Variants in GRHL1 observed in about 807,000 individuals in gnomAD.
The protein encoded by GRHL1 is grainyhead like transcription factor 1, also known as grainyhead-like protein 1 homolog.
A neutral mutation model predicts 75.7 loss-of-function variants in GRHL1; 38 were observed. The ratio of observed to expected loss-of-function variants is 0.50; its 90% CI spans 0.39 to 0.66. The LOEUF (loss-of-function observed/expected upper bound fraction) is 0.66, where lower values mean the gene tolerates loss of function less well. Among genes scored for constraint, GRHL1 ranks in the 30% least tolerant of loss-of-function variants. The pLI is 0.00. For missense variants in GRHL1, 589 were observed against 767.5 expected (o/e 0.77, Z 2.75); for synonymous variants, 266 against 279.4 (o/e 0.95, Z 0.48).
chr2:9,953,315 A>G (rs550305877), intron 1 of GRHL1, among the ~76,000 whole-genome samples: 15 of 152,388 alleles, frequency 9.8e-5, no homozygotes, highest in Middle Eastern at 6.8e-3. Context: ...CTATTACGCT[A>G]TTAATTATAG....
chr2:9,974,046 A>C (rs1572357821), intron 8 of GRHL1, among the ~76,000 whole-genome samples: 1 of 152,214 alleles, frequency 6.6e-6, no homozygotes, highest in Non-Finnish European at 1.5e-5. Flanking sequence ...AAGTTCATCT[A>C]CTTCACCAAA....
At position 9,951,735 on chromosome 2, in the gene GRHL1, G is replaced by A. The variant is rs903204706; in HGVS notation, c.-99G>A. ...CCCAACCCGTCGGGGCCGCCGCTCC[G>A]GACCCGCAGCCGCCGCCGCCGCCTC... On this transcript the variant is annotated 5_prime_UTR_variant, in exon 1 of 16. Coordinates refer to ENST00000324907, the MANE Select transcript of GRHL1 (RefSeq NM_198182.3). The surrounding 1 kb of genome is among the most constrained non-coding windows in gnomAD (Gnocchi z 4.2). 1.3e-5 allele frequency: 15 copies of A among 1,178,646 alleles called. No individual in the cohort carries two copies. In the African/African-American group the frequency reaches 2.0e-4, roughly 15 times the overall value. 73.0% of individuals were successfully genotyped at this position (1,178,646 alleles called of 1,614,324 possible).
At chr2:9,952,739 G>A (rs1164498330) in intron 1 of GRHL1, among the ~76,000 whole-genome samples, 1 of 152,170 alleles carries the variant, frequency 6.6e-6, no homozygotes. Context: ...CAGGGAAATC[G>A]CACCAGGCCA....
At chr2:9,998,358 C>T (rs986253532) in intron 14 of GRHL1, among the ~76,000 whole-genome samples, 3 of 150,240 alleles carry the variant, frequency 2.0e-5, no homozygotes, top group Admixed American at 1.3e-4. Context: ...CCCCAGCACA[C>T]GAGCTGGGGC....
rs371441583 is a variant in GRHL1, at chr2:9,998,599, CATATAT to C, written c.1678-360_1678-355del. 9.2e-4 allele frequency among the ~76,000 whole-genome samples: 41 copies of C among 44,644 alleles called. 3 individuals carry two copies. In the South Asian group the frequency reaches 0.02, roughly 21 times the overall value. 29.3% of individuals were successfully genotyped at this position (44,644 alleles called of 152,430 possible). A position where few individuals can be genotyped will look rare whatever the true frequency, so the allele number is the denominator to read the frequency against. ...ATACATATGTACATATATATGTACA[CATATAT>C]ATATACATATATATGTACACATATA... On this transcript the variant is annotated intron_variant, in intron 14 of 15. Coordinates refer to ENST00000324907, the MANE Select transcript of GRHL1 (RefSeq NM_198182.3).
chr2:9,978,845 G>A (rs992259101), intron 8 of GRHL1, among the ~76,000 whole-genome samples: 2 of 152,158 alleles, frequency 1.3e-5, no homozygotes, highest in East Asian at 3.9e-4. Flanking sequence ...ACAAAGATTA[G>A]CCATGTGTGG....
chr2:9,993,286 A>G (rs1180347272), intron 12 of GRHL1, 42 bp downstream of exon 12: 1 of 1,507,248 alleles, frequency 6.6e-7, no homozygotes, highest in East Asian at 2.3e-5. Context: ...AATAATGGAA[A>G]TGATTTCAAA....
At chr2:9,982,949 C>T (rs1327155660) in intron 8 of GRHL1, among the ~76,000 whole-genome samples, 1 of 152,108 alleles carries the variant, frequency 6.6e-6, no homozygotes, top group African/African-American at 2.4e-5. Flanking sequence ...ACGAACTCAC[C>T]CTGCCCTTTG....
chr2:9,994,900 T>C (rs1668788634), intron 12 of GRHL1, among the ~76,000 whole-genome samples: 1 of 152,152 alleles, frequency 6.6e-6, no homozygotes, highest in Non-Finnish European at 1.5e-5. Flanking sequence ...GATACCACCA[T>C]ATTTTAAACC....
chr2:9,960,833 G>T (rs945969836), intron 3 of GRHL1: 3 of 512,156 alleles, frequency 5.9e-6, no homozygotes, highest in Admixed American at 3.4e-5. Flanking sequence ...TTAGTATTTC[G>T]AATGAAATTT....
intron 9 of GRHL1, among the ~76,000 whole-genome samples, chr2:9,986,817 C>T (rs1041788242): frequency 6.6e-6 from 1 of 152,194 alleles, no homozygotes. Context: ...AGCGATCCCC[C>T]AAACTCAGTC....
At chr2:9,964,445 A>G in intron 7 of GRHL1, 99 bp downstream of exon 7, 1 of 679,344 alleles carries the variant, frequency 1.5e-6, no homozygotes, top group African/African-American at 1.8e-5. Context: ...TGCCGAAAGC[A>G]TTTGAATTTT....
At position 10,000,781 on chromosome 2, in the gene GRHL1, A is replaced by G. The variant is rs1669234435; in HGVS notation, c.*74A>G. 1.2e-6 allele frequency: 1 copy of G among 800,572 alleles called. No individual in the cohort carries two copies. The highest frequency in any genetic ancestry group is 1.9e-5 in the Admixed American group (1 of 51,642). The allele number at this position is 800,572 out of a possible 1,614,324, so 49.6% of individuals were successfully genotyped here. A position where few individuals can be genotyped will look rare whatever the true frequency, so the allele number is the denominator to read the frequency against. On this transcript the variant is annotated 3_prime_UTR_variant, in exon 16 of 16. Coordinates refer to ENST00000324907, the MANE Select transcript of GRHL1 (RefSeq NM_198182.3). Reference sequence around the variant, plus strand: ...ATCTTACGGTTTGGCAACTGCAGGTAACCCCAGTCAGCCATGTCGCCAGCA... The same window carrying G: ...ATCTTACGGTTTGGCAACTGCAGGTGACCCCAGTCAGCCATGTCGCCAGCA...
intron 2 of GRHL1, among the ~76,000 whole-genome samples, chr2:9,957,700 C>T (rs970778608): frequency 1.1e-4 from 16 of 151,994 alleles, no homozygotes; most frequent in African/African-American, 3.1e-4. Context: ...TGAGCCACCG[C>T]GCCTGGCCAG....
chr2:9,963,949 C>T lies in GRHL1; in HGVS notation c.810C>T (p.Thr270=), dbSNP rs368246522. 3.5e-5 allele frequency: 56 copies of T among 1,613,126 alleles called. No homozygotes were observed. The highest frequency in any genetic ancestry group is 4.6e-5 in the Non-Finnish European group (54 of 1,179,270). ...KSLRQKPGDS[T]MTYLNKGQFY... is the part of the protein sequence containing the mutation. ...TTCGACAGAAGCCAGGAGACAGTAC[C>T]ATGACGTACCTGAACAAAGGCCAGT... The change falls in exon 6 of 16, where the codon ACC becomes ACT. Residue 270 remains threonine (T), a synonymous_variant. Transcript: ENST00000324907.
chr2:9,958,895 G>A (rs1305857896), intron 3 of GRHL1, 39 bp downstream of exon 3: 2 of 1,600,178 alleles, frequency 1.2e-6, no homozygotes, highest in South Asian at 2.3e-5. Context: ...AGTGCAGGGG[G>A]AAATGCCACG....
chr2:9,954,814 AAAC>A, intron 1 of GRHL1, 98 bp from the exon 2 acceptor site: 1 of 1,010,150 alleles, frequency 9.9e-7, no homozygotes, highest in Non-Finnish European at 1.5e-6. Context: ...GTCATTGATG[AAAC>A]AATAGGCTAT....
chr2:9,993,116 A>C, intron 11 of GRHL1, 91 bp from the exon 12 acceptor site: 1 of 971,524 alleles, frequency 1.0e-6, no homozygotes, highest in Non-Finnish European at 1.7e-6. Flanking sequence ...GATTGGTGAA[A>C]TTCAAAATTA....
chr2:9,952,947 T>G (rs1375129580), intron 1 of GRHL1: 2 of 450,694 alleles, frequency 4.4e-6, no homozygotes, highest in African/African-American at 2.0e-5. Context: ...ATTTCAGAAG[T>G]CTGAGAGATC....
Sources: gnomAD v4.1 joint callset for allele counts (sites outside exome capture counted in the v4.1 genomes callset) on GRCh38, gnomAD v4.1.1 for gene constraint, Gnocchi (gnomAD v3.1) non-coding constraint, MANE v1.5 for transcripts, NCBI Gene and HGNC (gene_info 2026-07-23, HGNC 2026-07-21) for gene names.